Variants in ATP8A1 observed in about 807,000 individuals in gnomAD.
ATP8A1 encodes ATPase phospholipid transporting 8A1.
ATP8A1 carries 90 observed loss-of-function variants against 177.7 expected under a neutral mutation model. The observed-to-expected ratio is 0.51, with a 90% CI of 0.43 to 0.60. The LOEUF (loss-of-function observed/expected upper bound fraction) is 0.60. ATP8A1 is among the 20% of genes least tolerant of loss of function. ATP8A1 has a pLI of 0.00. For synonymous variants in ATP8A1, 493 were observed against 485.9 expected (o/e 1.01, Z -0.19); for missense variants, 1,072 against 1,392.8 (o/e 0.77, Z 3.67).
chr4:42,436,526 G>A (rs1164927362), intron 33 of ATP8A1, among the ~76,000 whole-genome samples: 1 of 152,210 alleles, frequency 6.6e-6, no homozygotes, highest in Non-Finnish European at 1.5e-5. Context: ...AATGGGCTTG[G>A]AAGTGGCTCT....
At chr4:42,514,977 T>C (rs781593504) in intron 22 of ATP8A1, among the ~76,000 whole-genome samples, 2 of 152,216 alleles carry the variant, frequency 1.3e-5, no homozygotes, top group African/African-American at 4.8e-5. Context: ...TTGTAAAACA[T>C]TGTTAAAATT....
At chr4:42,551,139 T>A in intron 18 of ATP8A1, 59 bp downstream of exon 18, 1 of 1,387,250 alleles carries the variant, frequency 7.2e-7, no homozygotes, top group Non-Finnish European at 1.0e-6. Context: ...TACTTTATCT[T>A]TGAAGCTATG....
rs939933860 is a variant in ATP8A1 at position 42,478,248 on chromosome 4, TG to T, written c.2324+7247del. Among the ~76,000 whole-genome samples the T allele has an allele frequency of 7.2e-5, 11 of 151,910 alleles. No individual in the cohort carries two copies. The East Asian group carries it at 1.9e-3, about 27-fold the overall frequency. ...GCACGCATCTGTGGTCCCAGCTACT[TG>T]GGAGGCTGAGGTAGGAGGATCACTT... On this transcript the variant is annotated intron_variant, in intron 25 of 36. Coordinates refer to ENST00000381668, the MANE Select transcript of ATP8A1 (RefSeq NM_006095.2).
chr4:42,424,927 A>C (rs1437574810), intron 33 of ATP8A1, among the ~76,000 whole-genome samples: 3 of 152,200 alleles, frequency 2.0e-5, no homozygotes, highest in African/African-American at 7.2e-5. Flanking sequence ...CCAATATTCG[A>C]GACACCAACA....
chr4:42,648,372 G>T lies in ATP8A1; in HGVS notation c.49+8453C>A, dbSNP rs112136371. Among the ~76,000 whole-genome samples, 6 of 151,924 alleles carry T rather than the reference G, an allele frequency of 3.9e-5. No individual in the cohort carries two copies. The South Asian group carries it at 8.3e-4, about 21-fold the overall frequency. ...AAAGAGAGGTGGCGGCGGGTGGGGT[G>T]GGGGGAAGGGAAAGAGAGACTGACT... On this transcript the variant is annotated intron_variant, in intron 1 of 36. Transcript: ENST00000381668.
intron 1 of ATP8A1, among the ~76,000 whole-genome samples, chr4:42,643,910 A>C (rs1372395060): frequency 1.3e-5 from 2 of 152,186 alleles, no homozygotes; most frequent in African/African-American, 4.8e-5. Flanking sequence ...CTTTCTCGCC[A>C]ATTATTTATA....
In ATP8A1 at chr4:42,627,098, T is replaced by A; in HGVS notation, c.61A>T (p.Thr21Ser). The change falls in exon 2 of 37, where the codon ACA (threonine) becomes TCA (serine). Residue 21 changes from threonine (T) to serine (S), a missense_variant. Around this residue, in one of 5 missense-constraint regions of ATP8A1, gnomAD observed 344 missense variants for 393.5 expected, o/e 0.87. Transcript: ENST00000381668. ...IRSRAEGYEK[T>S]DDVSEKTSLA... ...GAGGTCTTCTCTGAAACATCATCTG[T>A]CTTCTCATAACCTTAAAAAGAGATC... The A allele has an allele frequency of 6.2e-7, 1 of 1,612,884 alleles. No individual in the cohort carries two copies. The highest frequency in any genetic ancestry group is 8.5e-7 in the Non-Finnish European group (1 of 1,178,962).
rs73160968 is a variant in ATP8A1, at chr4:42,503,141, A to G, written c.2151+309T>C. On this transcript the variant is annotated intron_variant, in intron 24 of 36. Transcript: ENST00000381668. ...AGATGTAAAATGTTTAACATACAGA[A>G]TACTTGGATATGAGCAAGTTGCAGT... 6.5e-3 allele frequency among the ~76,000 whole-genome samples: 987 copies of G among 152,342 alleles called. 10 individuals carry two copies. The highest frequency in any genetic ancestry group is 0.023 in the African/African-American group (938 of 41,574).
intron 20 of ATP8A1, among the ~76,000 whole-genome samples, chr4:42,537,612 T>C (rs1296533861): frequency 2.0e-5 from 3 of 152,180 alleles, no homozygotes; most frequent in Admixed American, 2.0e-4. Flanking sequence ...AGCTCTGCTA[T>C]ACACCAACAG....
chr4:42,575,541 C>A, intron 13 of ATP8A1, 81 bp downstream of exon 13: 1 of 1,090,364 alleles, frequency 9.2e-7, no homozygotes, highest in Admixed American at 1.8e-5. Flanking sequence ...GTCCATTCAT[C>A]TGCAGTTATC....
chr4:42,548,951 G>T lies in ATP8A1; in HGVS notation c.1652+62C>A, dbSNP rs75872025. ...ACATACTTTCTAGTTATTCAAAAGGGAAAAAATAAAAATGGATATAAATTT... is the reference window on the plus strand; with the variant it reads ...ACATACTTTCTAGTTATTCAAAAGGTAAAAAATAAAAATGGATATAAATTT... On this transcript the variant is annotated intron_variant, in intron 19 of 36. Transcript: ENST00000381668. 4.5e-6 allele frequency: 6 copies of T among 1,333,834 alleles called. No homozygotes were observed. In the East Asian group the frequency reaches 1.4e-4, roughly 31 times the overall value. 82.6% of individuals were successfully genotyped at this position (1,333,834 alleles called of 1,614,324 possible). A position where few individuals can be genotyped will look rare whatever the true frequency, so the allele number is the denominator to read the frequency against.
chr4:42,453,290 T>C (rs568645049), intron 29 of ATP8A1, among the ~76,000 whole-genome samples: 2 of 152,324 alleles, frequency 1.3e-5, no homozygotes, highest in East Asian at 1.9e-4. Flanking sequence ...TATACAACTG[T>C]GCATTTTGTA....
At chr4:42,547,071 TTTGTTTCAGGCCCTTATATTCAACTGC>T (rs1729010181) in intron 19 of ATP8A1, among the ~76,000 whole-genome samples, 1 of 152,250 alleles carries the variant, frequency 6.6e-6, no homozygotes, top group African/African-American at 2.4e-5. Flanking sequence ...AGATTTCTCT[TTTGTTTCAGGCCCTTATATTCAACTGC>T]TTGCCTGATA....
intron 35 of ATP8A1, among the ~76,000 whole-genome samples, chr4:42,419,200 C>T (rs568643935): frequency 6.6e-6 from 1 of 152,336 alleles, no homozygotes; most frequent in East Asian, 1.9e-4. Context: ...CTTTCGCCCA[C>T]TCTTTCTTTC....
chr4:42,480,214 T>C (rs901779419), intron 25 of ATP8A1, among the ~76,000 whole-genome samples: 18 of 152,170 alleles, frequency 1.2e-4, no homozygotes, highest in African/African-American at 3.6e-4. Flanking sequence ...GGCTGTAATA[T>C]AGCCATTGCA....
At chr4:42,498,372 C>G (rs1313448048) in intron 24 of ATP8A1, among the ~76,000 whole-genome samples, 1 of 152,064 alleles carries the variant, frequency 6.6e-6, no homozygotes, top group East Asian at 1.9e-4. Flanking sequence ...AAGTTATAGT[C>G]AAAACTTACA....
At chr4:42,519,086 T>C (rs1392611938) in intron 22 of ATP8A1, among the ~76,000 whole-genome samples, 2 of 152,136 alleles carry the variant, frequency 1.3e-5, no homozygotes, top group African/African-American at 4.8e-5. Context: ...GTTATTTATA[T>C]ATTTATTTAT....
At chr4:42,619,630 T>C in intron 4 of ATP8A1, among the ~76,000 whole-genome samples, 1 of 150,818 alleles carries the variant, frequency 6.6e-6, no homozygotes, top group South Asian at 2.1e-4. Flanking sequence ...ATATATATAT[T>C]TTAAAATTTT....
chr4:42,503,535 T>C, intron 23 of ATP8A1, 21 bp from the exon 24 acceptor site: 1 of 1,494,736 alleles, frequency 6.7e-7, no homozygotes, highest in South Asian at 1.2e-5. Context: ...ACACAGAGTA[T>C]ATTAAAATTA....
Sources: gnomAD v4.1 joint callset for allele counts (sites outside exome capture counted in the v4.1 genomes callset) on GRCh38, gnomAD v4.1.1 for gene constraint, gnomAD v4.1.1 regional missense constraint, MANE v1.5 for transcripts, NCBI Gene and HGNC (gene_info 2026-07-23, HGNC 2026-07-21) for gene names.